CRELD1: variants seen among roughly 807,000 people sequenced by gnomAD.
CRELD1 encodes CRELD disulfide isomerase 1.
CRELD1 carries 42 observed loss-of-function variants against 58.2 expected under a neutral mutation model. The ratio of observed to expected loss-of-function variants is 0.72; its 90% CI spans 0.56 to 0.93. The LOEUF (loss-of-function observed/expected upper bound fraction) is 0.93. Ranked by LOEUF, CRELD1 falls within the 40% of genes least tolerant of loss-of-function variation. CRELD1 has a pLI of 0.00. For synonymous variants in CRELD1, 222 were observed against 202.0 expected, an observed-to-expected ratio of 1.10 and a Z score of -0.84; for missense variants, 500 against 540.6, an observed-to-expected ratio of 0.92 and a Z score of 0.74.
chr3:9,943,339 TG>T, intron 9 of CRELD1, 41 bp from the exon 10 acceptor site: 1 of 1,613,078 alleles, frequency 6.2e-7, no homozygotes, highest in Non-Finnish European at 8.5e-7. Context: ...GGGTGCTGGG[TG>T]GGGGGCCCTA....
Position 9,944,799 on chromosome 3 carries a change from G to A in CRELD1, c.*220G>A, listed in dbSNP as rs775328564. 6.1e-5 allele frequency: 36 copies of A among 590,260 alleles called. No individual in the cohort carries two copies. The East Asian group carries it at 9.4e-4, about 15-fold the overall frequency. The allele number at this position is 590,260 out of a possible 1,614,324, so 36.6% of individuals were successfully genotyped here. A position where few individuals can be genotyped will look rare whatever the true frequency, so the allele number is the denominator to read the frequency against. Reference sequence around the variant, plus strand: ...GGATACCATGAGCTCTTCACCTGGCGGGGACTGGCAGGCTTCACAATGTGT... The same window carrying A: ...GGATACCATGAGCTCTTCACCTGGCAGGGACTGGCAGGCTTCACAATGTGT... On this transcript the variant is annotated 3_prime_UTR_variant, in exon 11 of 11. Transcript: ENST00000452070.
At chr3:9,939,983 C>T (rs1216796562) in intron 5 of CRELD1, among the ~76,000 whole-genome samples, 1 of 151,834 alleles carries the variant, frequency 6.6e-6, no homozygotes, top group South Asian at 2.1e-4. Flanking sequence ...ACCTCCCTCC[C>T]GGACGGGCTG....
chr3:9,936,483 ATATATATATGTGTGTG>A (rs1430518705), intron 3 of CRELD1, among the ~76,000 whole-genome samples: 1 of 151,038 alleles, frequency 6.6e-6, no homozygotes, highest in Non-Finnish European at 1.5e-5. Context: ...GTGTGTGTGT[ATATATATATGTGTGTG>A]TATATATATG....
Position 9,939,822 on chromosome 3 carries a change from T to C in CRELD1, c.461-1028T>C, listed in dbSNP as rs868023534. 7.9e-5 allele frequency among the ~76,000 whole-genome samples: 12 copies of C among 152,258 alleles called. 1 individual carries two copies. The highest frequency in any genetic ancestry group is 6.8e-3 in the Middle Eastern group (2 of 294). On this transcript the variant is annotated intron_variant, in intron 5 of 10. Transcript: ENST00000452070. ...TTCCACAAAACCGCCATTGTCATCC[T>C]GGCCCGTTCTCAATGAGCTGTTGGG...
chr3:9,934,161 T>C, intron 1 of CRELD1: 1 of 525,016 alleles, frequency 1.9e-6, no homozygotes, highest in South Asian at 2.1e-5. Context: ...GACAAGAGGC[T>C]GACTTCTGCC....
At chr3:9,942,782 T>C (rs1160977103) in intron 7 of CRELD1, 31 bp from the exon 8 acceptor site, 1 of 1,584,052 alleles carries the variant, frequency 6.3e-7, no homozygotes, top group Non-Finnish European at 8.7e-7. Context: ...AAATAGGGAT[T>C]GAAATTCTCA....
intron 1 of CRELD1, 89 bp from the exon 2 acceptor site, chr3:9,934,331 A>G (rs914160788): frequency 2.8e-6 from 3 of 1,054,634 alleles, no homozygotes; most frequent in Non-Finnish European, 1.5e-6. Flanking sequence ...CGCAGATCCC[A>G]GCGCCACGGC....
chr3:9,940,780 A>T, intron 5 of CRELD1, 70 bp from the exon 6 acceptor site: 2 of 1,297,456 alleles, frequency 1.5e-6, no homozygotes, highest in Non-Finnish European at 2.2e-6. Flanking sequence ...GGAGAGGGAG[A>T]GGGAGAAAAT....
chr3:9,943,811 T>G, intron 10 of CRELD1: 1 of 1,612,326 alleles, frequency 6.2e-7, no homozygotes, highest in Non-Finnish European at 8.5e-7. Context: ...AGAGCTGTCC[T>G]AGGCCGGGGG....
chr3:9,941,137 T>A lies in CRELD1; in HGVS notation c.664T>A (p.Ser222Thr). The A allele has an allele frequency of 1.2e-6, 2 of 1,614,190 alleles. No homozygotes were observed. The highest frequency in any genetic ancestry group is 1.7e-6 in the Non-Finnish European group (2 of 1,180,036). ...SACFGPCARC[S>T]GPEESNCLQC... ...TTGTTTTGGCCCCTGTGCCCGATGC[T>A]CAGGACCTGAGGAATCAAACTGTTT... The change falls in exon 7 of 11, where the codon TCA (serine) becomes ACA (threonine). Residue 222 changes from serine to threonine, a missense_variant. By Grantham distance (58) the Ser-to-Thr change is moderately conservative (BLOSUM62 1). Transcript: ENST00000452070.
chr3:9,943,845 C>A, intron 10 of CRELD1: 1 of 1,613,830 alleles, frequency 6.2e-7, no homozygotes, highest in Non-Finnish European at 8.5e-7. Flanking sequence ...AGGGTAATCA[C>A]AACGATGATG....
At chr3:9,938,778 T>G (rs777763307) in intron 5 of CRELD1, among the ~76,000 whole-genome samples, 40 of 151,878 alleles carry the variant, frequency 2.6e-4, no homozygotes, top group Non-Finnish European at 5.6e-4. Flanking sequence ...AAGAATGGCA[T>G]GAACCCGGCA....
At chr3:9,940,605 C>T (rs892376282) in intron 5 of CRELD1, among the ~76,000 whole-genome samples, 9 of 148,118 alleles carry the variant, frequency 6.1e-5, no homozygotes, top group Non-Finnish European at 1.0e-4. Flanking sequence ...TGCAGTGAGC[C>T]GAGATGGCAG....
Position 9,937,765 on chromosome 3 carries a change from G to A in CRELD1, c.368+93G>A, listed in dbSNP as rs890391242. The A allele has an allele frequency of 6.5e-6, 6 of 920,800 alleles. No individual in the cohort carries two copies. In the African/African-American group the frequency reaches 9.8e-5, roughly 15 times the overall value. 57.0% of individuals were successfully genotyped at this position (920,800 alleles called of 1,614,324 possible). On this transcript the variant is annotated intron_variant, in intron 4 of 10. Transcript: ENST00000452070. Reference sequence around the variant, plus strand: ...CCGAGAAGCAGGGGGGTGCATGCTGGGGCCCATGTCCTGGTTGTGCTCCTT... The same window carrying A: ...CCGAGAAGCAGGGGGGTGCATGCTGAGGCCCATGTCCTGGTTGTGCTCCTT...
chr3:9,941,287 C>T (rs2085359609), intron 7 of CRELD1, 81 bp downstream of exon 7: 2 of 1,206,412 alleles, frequency 1.7e-6, no homozygotes, highest in Admixed American at 2.1e-5. Context: ...CAAGCCTGGG[C>T]TAGACTAGCC....
At chr3:9,935,897 G>T (rs2085178032) in intron 3 of CRELD1, 1 of 152,174 alleles carries the variant, frequency 6.6e-6, no homozygotes, top group East Asian at 1.9e-4. Flanking sequence ...ATTGGAAACA[G>T]GAATTTGAGA....
At chr3:9,944,307 C>T (rs1301732326) in intron 10 of CRELD1, 58 bp from the exon 11 acceptor site, 2 of 1,492,560 alleles carry the variant, frequency 1.3e-6, no homozygotes, top group African/African-American at 2.8e-5. Flanking sequence ...GGGGAGACTC[C>T]AAGAACTACC....
Position 9,937,581 on chromosome 3 carries a change from G to A in CRELD1, c.277G>A (p.Val93Met), listed in dbSNP as rs1319921424. Residue 93 changes from valine to methionine, a missense_variant, in exon 4 of 11, where the codon GTG becomes ATG. Val to Met is a conservative substitution (Grantham distance 21). Coordinates refer to ENST00000452070, the MANE Select transcript of CRELD1 (RefSeq NM_001077415.3). ...GATCAGTGAGACCCGCCTGGTAGAG[G>A]TGCTGGAGGGTGTGTGCAGCAAGTC... ...YKDSETRLVE[V>M]LEGVCSKSDF... 1.9e-6 allele frequency: 3 copies of A among 1,611,730 alleles called. No individual in the cohort carries two copies. In the African/African-American group the frequency reaches 4.0e-5, roughly 22 times the overall value.
intron 5 of CRELD1, among the ~76,000 whole-genome samples, chr3:9,939,079 G>A (rs1223285031): frequency 6.6e-6 from 1 of 151,636 alleles, no homozygotes; most frequent in Non-Finnish European, 1.5e-5. Context: ...CCAGGAGTTC[G>A]AAGCTGCAGT....
Sources: gnomAD v4.1 joint callset for allele counts (sites outside exome capture counted in the v4.1 genomes callset) on GRCh38, gnomAD v4.1.1 for gene constraint, MANE v1.5 for transcripts, NCBI Gene and HGNC (gene_info 2026-07-23, HGNC 2026-07-21) for gene names.